Variants in PRICKLE2 observed in about 807,000 individuals in gnomAD.
The protein encoded by PRICKLE2 is prickle-like protein 2.
Under a neutral mutation model 81.4 loss-of-function variants are expected in PRICKLE2, and 21 were observed. The ratio of observed to expected loss-of-function variants is 0.26; its 90% CI spans 0.18 to 0.37. The LOEUF is 0.37. PRICKLE2 is among the 10% of genes least tolerant of loss of function. The probability of loss-of-function intolerance (pLI) is 1.00; values close to 1 mark genes in which losing one functional copy is unlikely to be tolerated. For synonymous variants in PRICKLE2, 456 were observed against 421.5 expected (o/e 1.08, Z -1.00); for missense variants, 940 against 1,109.0 (o/e 0.85, Z 2.16).
chr3:64,101,467 G>C (rs1177213482), intron 7 of PRICKLE2: 1 of 152,152 alleles, frequency 6.6e-6, no homozygotes, highest in African/African-American at 2.4e-5. Context: ...TTAAAAATAA[G>C]ATATGGCAGG....
At chr3:64,198,540 C>G (rs2078506244) in intron 2 of PRICKLE2, among the ~76,000 whole-genome samples, 1 of 152,160 alleles carries the variant, frequency 6.6e-6, no homozygotes, top group Non-Finnish European at 1.5e-5. Context: ...TGAGATGTTT[C>G]TAGACAATCC....
chr3:64,110,959 CAAAAAAA>C (rs550808708), intron 7 of PRICKLE2, among the ~76,000 whole-genome samples: 6 of 63,868 alleles, frequency 9.4e-5, no homozygotes, highest in African/African-American at 2.3e-4. Flanking sequence ...GACTCCATCT[CAAAAAAA>C]AAAAAAAAAA....
Position 64,157,320 on chromosome 3 carries a change from G to C in PRICKLE2, c.442C>G (p.Arg148Gly). ...TGCCAGCAAACGCCGTGGCCAGCGC[G>C]TGACGCAAACACAGCGATGTCTCCA... ...NGGDIAVFASRAGHGVCWHPP... is the reference protein window; with the variant it reads ...NGGDIAVFASGAGHGVCWHPP... The change falls in exon 5 of 8, where the codon CGC becomes GGC. Residue 148 changes from arginine (R) to glycine (G), a missense_variant. This residue lies in a region of PRICKLE2 where 270 missense variants were observed against 391.8 expected (regional missense o/e 0.69). Coordinates refer to ENST00000638394, the MANE Select transcript of PRICKLE2 (RefSeq NM_198859.4). 1 of 1,613,904 alleles carries C rather than the reference G, an allele frequency of 6.2e-7. No individual in the cohort carries two copies. The highest frequency in any genetic ancestry group is 8.5e-7 in the Non-Finnish European group (1 of 1,180,036).
At chr3:64,108,235 G>A (rs1438516656) in intron 7 of PRICKLE2, among the ~76,000 whole-genome samples, 1 of 152,202 alleles carries the variant, frequency 6.6e-6, no homozygotes, top group Non-Finnish European at 1.5e-5. Flanking sequence ...GCTGCGGCAA[G>A]CCTGAACAGC....
Position 64,172,437 on chromosome 3 carries a change from T to A in PRICKLE2, c.145-9308A>T, listed in dbSNP as rs143649991. 9.8e-5 allele frequency among the ~76,000 whole-genome samples: 15 copies of A among 152,350 alleles called. No homozygotes were observed. The East Asian group carries it at 2.5e-3, about 25-fold the overall frequency. ...GGGGTAACTTGTTTGGACTCTGCAG[T>A]CAGATTGTTTGGGTTCCAATAATGG... On this transcript the variant is annotated intron_variant, in intron 2 of 7. Coordinates refer to ENST00000638394, the MANE Select transcript of PRICKLE2 (RefSeq NM_198859.4).
rs1244001245 is a variant in PRICKLE2, at chr3:64,094,975, C to G, written c.*4076G>C. On this transcript the variant is annotated 3_prime_UTR_variant, in exon 8 of 8. Transcript: ENST00000638394. ...TATTCAGATAACTGGTTCAGTTTTC[C>G]ACTTTCCTTTGTCATGGACGGATCT... 6.6e-6 allele frequency: 1 copy of G among 152,628 alleles called. No individual in the cohort carries two copies. The highest frequency in any genetic ancestry group is 2.4e-5 in the African/African-American group (1 of 41,460). The allele number at this position is 152,628 out of a possible 1,614,324, so 9.5% of individuals were successfully genotyped here.
At chr3:64,108,371 C>T (rs1360158478) in intron 7 of PRICKLE2, among the ~76,000 whole-genome samples, 1 of 152,154 alleles carries the variant, frequency 6.6e-6, no homozygotes, top group Non-Finnish European at 1.5e-5. Flanking sequence ...GATCCTTTCT[C>T]CAACTAAGTC....
At chr3:64,149,803 A>C (rs1188076797) in intron 6 of PRICKLE2, among the ~76,000 whole-genome samples, 1 of 152,066 alleles carries the variant, frequency 6.6e-6, no homozygotes, top group Non-Finnish European at 1.5e-5. Flanking sequence ...AATGAGGGCA[A>C]TTCTTCTCGT....
intron 1 of PRICKLE2, among the ~76,000 whole-genome samples, chr3:64,206,976 T>C (rs989513137): frequency 5.3e-5 from 8 of 152,230 alleles, no homozygotes; most frequent in Non-Finnish European, 1.0e-4. Flanking sequence ...CATGGCTCAC[T>C]GCAGCCTCGA....
chr3:64,249,286 A>C (rs1268259158), intron 2 of PRICKLE2, among the ~76,000 whole-genome samples: 1 of 152,124 alleles, frequency 6.6e-6, no homozygotes, highest in African/African-American at 2.4e-5. Flanking sequence ...AAACCATCAT[A>C]TCTCATGAGA....
chr3:64,206,625 T>C (rs2078693298), intron 1 of PRICKLE2, among the ~76,000 whole-genome samples: 1 of 152,140 alleles, frequency 6.6e-6, no homozygotes, highest in South Asian at 2.1e-4. Flanking sequence ...CCCAAGTCCA[T>C]GGCTAGATCA....
chr3:64,117,586 G>A (rs79050834), intron 7 of PRICKLE2, among the ~76,000 whole-genome samples: 6,592 of 152,206 alleles, frequency 0.043, 196 homozygotes, highest in Non-Finnish European at 0.07. Flanking sequence ...GATCGGAAAT[G>A]AACTCCCATT....
At chr3:64,198,648 C>T in intron 2 of PRICKLE2, 136 bp downstream of exon 2, 1 of 937,876 alleles carries the variant, frequency 1.1e-6, no homozygotes, top group Non-Finnish European at 1.7e-6. Flanking sequence ...GGGCCCCTGG[C>T]ATCTTCAACA....
chr3:64,213,175 C>T (rs1289118689), intron 1 of PRICKLE2, among the ~76,000 whole-genome samples: 1 of 150,956 alleles, frequency 6.6e-6, no homozygotes, highest in Non-Finnish European at 1.5e-5. Flanking sequence ...TTCCCGGGTT[C>T]AAGCAATTCT....
At position 64,098,886 on chromosome 3, in the gene PRICKLE2, C is replaced by T. The variant is rs2076607240; in HGVS notation, c.*165G>A. The T allele has an allele frequency of 8.4e-6, 6 of 717,132 alleles. No homozygotes were observed. The highest frequency in any genetic ancestry group is 1.2e-5 in the Non-Finnish European group (5 of 410,974). 44.4% of individuals were successfully genotyped at this position (717,132 alleles called of 1,614,324 possible). A position where few individuals can be genotyped will look rare whatever the true frequency, so the allele number is the denominator to read the frequency against. ...ATATTCAACATGCCAAGAACTGTGA[C>T]TACCTATTGAGTCAACCTGTAACCT... On this transcript the variant is annotated 3_prime_UTR_variant, in exon 8 of 8. Coordinates refer to ENST00000638394, the MANE Select transcript of PRICKLE2 (RefSeq NM_198859.4).
chr3:64,179,554 G>C (rs566421579), intron 2 of PRICKLE2, among the ~76,000 whole-genome samples: 8 of 152,272 alleles, frequency 5.3e-5, no homozygotes, highest in Admixed American at 1.3e-4. Flanking sequence ...GCTGGAATAA[G>C]AAAGCATAGA....
intron 2 of PRICKLE2, among the ~76,000 whole-genome samples, chr3:64,252,029 T>C (rs926890830): frequency 6.6e-6 from 1 of 152,062 alleles, no homozygotes; most frequent in African/African-American, 2.4e-5. Flanking sequence ...TTCCTATGGG[T>C]GAATTCACAT....
rs779069863 is a variant in PRICKLE2 at position 64,153,334 on chromosome 3, C to T, written c.635G>A (p.Gly212Glu). 117 of 1,614,096 alleles carry T rather than the reference C, an allele frequency of 7.2e-5. 2 individuals carry two copies. The South Asian group carries it at 1.3e-3, about 17-fold the overall frequency. ...AAAGTGTTTCATGTGCCAGTGTCGC[C>T]CCTCAGCTTCTGTGCATTCATCTGC... ...IFADECTEAE[G>E]RHWHMKHFCC... The change falls in exon 6 of 8, where the codon GGG becomes GAG. Residue 212 changes from glycine (G) to glutamate (E), a missense_variant. By Grantham distance (98) the Gly-to-Glu change is moderately conservative. Transcript: ENST00000638394.
At chr3:64,122,212 G>A (rs961173179) in intron 7 of PRICKLE2, among the ~76,000 whole-genome samples, 1 of 152,188 alleles carries the variant, frequency 6.6e-6, no homozygotes, top group Non-Finnish European at 1.5e-5. Context: ...GAACATAAAT[G>A]AGAGAAAGAG....
Sources: gnomAD v4.1 joint callset for allele counts (sites outside exome capture counted in the v4.1 genomes callset) on GRCh38, gnomAD v4.1.1 for gene constraint, gnomAD v4.1.1 regional missense constraint, MANE v1.5 for transcripts, NCBI Gene and HGNC (gene_info 2026-07-23, HGNC 2026-07-21) for gene names.